Variants in ATP11B observed in about 807,000 individuals in gnomAD.
ATP11B encodes the protein phospholipid-transporting ATPase IF.
In ATP11B, 81 loss-of-function variants were observed where a neutral mutation model predicts 157.8. The ratio of observed to expected loss-of-function variants is 0.51; its 90% CI spans 0.43 to 0.62. The LOEUF is 0.62. ATP11B is among the 20% of genes least tolerant of loss of function. The pLI is 0.00. For missense variants in ATP11B, 1,165 were observed against 1,402.2 expected, an observed-to-expected ratio of 0.83 and a Z score of 2.70; for synonymous variants, 451 against 469.4, an observed-to-expected ratio of 0.96 and a Z score of 0.51.
At chr3:182,905,949 T>A (rs190088010) in intron 28 of ATP11B, 10 of 450,160 alleles carry the variant, frequency 2.2e-5, no homozygotes, top group Admixed American at 1.7e-4. Flanking sequence ...TCCCGGGCAC[T>A]CATCCGCTAA....
Position 182,883,325 on chromosome 3 carries a change from T to G in ATP11B, c.2510-1428T>G, listed in dbSNP as rs532055386. Among the ~76,000 whole-genome samples the G allele has an allele frequency of 7.9e-5, 12 of 151,934 alleles. No homozygotes were observed. In the South Asian group the frequency reaches 2.5e-3, roughly 32 times the overall value. On this transcript the variant is annotated intron_variant, in intron 21 of 29. Coordinates refer to ENST00000323116, the MANE Select transcript of ATP11B (RefSeq NM_014616.3). ...CAGGCTGGAGTGCAATGGCTCAATC[T>G]CGGCTCACGGCAACCTCCGTCTCCT...
chr3:182,839,803 G>A (rs1718860630), intron 7 of ATP11B, among the ~76,000 whole-genome samples: 1 of 151,922 alleles, frequency 6.6e-6, no homozygotes. Flanking sequence ...AGTAGAGATG[G>A]GGTTTCACCA....
At chr3:182,844,948 T>C (rs1719353286) in intron 8 of ATP11B, among the ~76,000 whole-genome samples, 1 of 151,622 alleles carries the variant, frequency 6.6e-6, no homozygotes, top group African/African-American at 2.4e-5. Context: ...TATTTGTTGT[T>C]ACAGTAACTA....
At chr3:182,836,180 T>G (rs2108510613) in intron 5 of ATP11B, 38 bp downstream of exon 5, 2 of 1,583,092 alleles carry the variant, frequency 1.3e-6, no homozygotes, top group South Asian at 2.2e-5. Flanking sequence ...AACTTTATCT[T>G]GATATCACAG....
intron 28 of ATP11B, among the ~76,000 whole-genome samples, chr3:182,906,186 C>G (rs147794090): frequency 6.6e-6 from 1 of 152,220 alleles, no homozygotes; most frequent in Non-Finnish European, 1.5e-5. Context: ...GATATTCTCA[C>G]AACCTATTGT....
Position 182,898,778 on chromosome 3 carries a change from C to T in ATP11B, c.3318+6C>T. The T allele has an allele frequency of 6.7e-7, 1 of 1,487,584 alleles. No homozygotes were observed. The highest frequency in any genetic ancestry group is 8.9e-7 in the Non-Finnish European group (1 of 1,117,896). The allele number at this position is 1,487,584 out of a possible 1,614,324, so 92.1% of individuals were successfully genotyped here. A position where few individuals can be genotyped will look rare whatever the true frequency, so the allele number is the denominator to read the frequency against. ...CAAGTACTGAAAAGGCACAGGTAAC[C>T]ACTTTTTATAATAAATTCAATATCT... On this transcript the variant is annotated splice_donor_region_variant and intron_variant, in intron 28 of 29. Transcript: ENST00000323116.
intron 21 of ATP11B, among the ~76,000 whole-genome samples, chr3:182,884,186 A>C (rs531438122): frequency 4.7e-4 from 71 of 152,220 alleles, no homozygotes; most frequent in African/African-American, 1.6e-3. Context: ...ACCATTAAAA[A>C]AGTATTCATA....
chr3:182,840,832 C>CT (rs1244458891), intron 7 of ATP11B, among the ~76,000 whole-genome samples: 3 of 152,168 alleles, frequency 2.0e-5, no homozygotes, highest in African/African-American at 7.2e-5. Context: ...TGGATTACTG[C>CT]TATTTTATAG....
At chr3:182,820,949 C>T (rs1717302255) in intron 2 of ATP11B, among the ~76,000 whole-genome samples, 1 of 152,104 alleles carries the variant, frequency 6.6e-6, no homozygotes, top group African/African-American at 2.4e-5. Context: ...ATCATTTAAT[C>T]CTTACAACAA....
In ATP11B at chr3:182,869,365, A is replaced by G. The variant is rs751924587; in HGVS notation, c.1866+34A>G. The stretch of plus-strand genomic sequence containing the variant: ...AAATTTCTATGATTTAAAAAACTCT[A>G]AAAGATATATTTATGAAATATTTTG... On this transcript the variant is annotated intron_variant, in intron 17 of 29. Transcript: ENST00000323116. 8 of 1,299,194 alleles carry G rather than the reference A, an allele frequency of 6.2e-6. No homozygotes were observed. The South Asian group carries it at 8.1e-5, about 13-fold the overall frequency. The allele number at this position is 1,299,194 out of a possible 1,614,324, so 80.5% of individuals were successfully genotyped here. A position where few individuals can be genotyped will look rare whatever the true frequency, so the allele number is the denominator to read the frequency against.
chr3:182,804,431 G>A (rs1481311792), intron 1 of ATP11B, among the ~76,000 whole-genome samples: 1 of 151,970 alleles, frequency 6.6e-6, no homozygotes, highest in African/African-American at 2.4e-5. Flanking sequence ...GTTTTTAGCA[G>A]AGACGGGGTT....
chr3:182,884,444 G>C (rs185108238), intron 21 of ATP11B, among the ~76,000 whole-genome samples: 6 of 152,156 alleles, frequency 3.9e-5, no homozygotes, highest in Admixed American at 3.3e-4. Flanking sequence ...CCCAGTACTT[G>C]TGCTTATTAG....
chr3:182,894,973 A>G (rs1373923484), intron 25 of ATP11B, among the ~76,000 whole-genome samples: 1 of 151,698 alleles, frequency 6.6e-6, no homozygotes, highest in African/African-American at 2.4e-5. Context: ...CAAAAAAAAA[A>G]AAATTAGCTA....
intron 28 of ATP11B, among the ~76,000 whole-genome samples, chr3:182,911,023 A>G (rs1472735616): frequency 1.3e-5 from 2 of 152,184 alleles, no homozygotes; most frequent in Non-Finnish European, 2.9e-5. Flanking sequence ...AAAATTTCTA[A>G]GCTCTTATTC....
intron 9 of ATP11B, among the ~76,000 whole-genome samples, chr3:182,846,126 TTAGC>T (rs2108520163): frequency 6.6e-6 from 1 of 152,302 alleles, no homozygotes; most frequent in African/African-American, 2.4e-5. Flanking sequence ...CCTTTAGCTG[TTAGC>T]TAGCTCCTCA....
intron 28 of ATP11B, among the ~76,000 whole-genome samples, chr3:182,912,589 G>A (rs1022664666): frequency 1.8e-4 from 27 of 152,090 alleles, no homozygotes; most frequent in Non-Finnish European, 3.8e-4. Context: ...GCTGATCCTA[G>A]GACACTGTCA....
intron 9 of ATP11B, among the ~76,000 whole-genome samples, chr3:182,847,690 T>C (rs1433167840): frequency 6.6e-6 from 1 of 152,166 alleles, no homozygotes; most frequent in African/African-American, 2.4e-5. Flanking sequence ...CATCTCTCAG[T>C]TTTTAGGCAT....
At chr3:182,889,603 T>TAA in intron 25 of ATP11B, 55 bp downstream of exon 25, 1 of 1,394,076 alleles carries the variant, frequency 7.2e-7, no homozygotes, top group Non-Finnish European at 9.6e-7. Flanking sequence ...GGGTTTTTTA[T>TAA]AGCTTTTGTC....
intron 1 of ATP11B, among the ~76,000 whole-genome samples, chr3:182,798,562 G>A (rs1715778643): frequency 6.6e-6 from 1 of 152,200 alleles, no homozygotes; most frequent in South Asian, 2.1e-4. Flanking sequence ...TTAGGAAGAG[G>A]ATAAAGCATT....
Sources: allele counts gnomAD v4.1 joint callset (sites outside exome capture counted in the v4.1 genomes callset), GRCh38; gene constraint gnomAD v4.1.1; transcripts MANE v1.5; gene names NCBI Gene and HGNC (gene_info 2026-07-23, HGNC 2026-07-21).